The following GGTA1 variants were observed in gnomAD, a reference collection of about 807,000 sequenced individuals.
GGTA1 encodes the protein inactive N-acetyllactosaminide alpha-1,3-galactosyltransferase.
A neutral mutation model predicts 2.6 loss-of-function variants in GGTA1; 5 were observed. The observed-to-expected ratio is 1.92, with a 90% confidence interval of 1.00 to 4.04. The LOEUF (loss-of-function observed/expected upper bound fraction) is 4.04. Ranked by LOEUF, GGTA1 falls within the 30% of genes most tolerant of loss-of-function variation. GGTA1 has a pLI of 0.00. For missense variants in GGTA1, 50 were observed against 16.7 expected (o/e 2.99, Z -3.47); for synonymous variants, 17 against 5.0 (o/e 3.38, Z -3.19).
intron 1 of GGTA1, among the ~76,000 whole-genome samples, chr9:121,474,930 T>C (rs1399429846): frequency 6.6e-6 from 1 of 152,108 alleles, no homozygotes; most frequent in Non-Finnish European, 1.5e-5. Flanking sequence ...TTCAGGCTAT[T>C]GTGATGGGTC....
downstream of GGTA1, among the ~76,000 whole-genome samples, chr9:121,453,845 C>T (rs1474506074): frequency 1.3e-5 from 2 of 152,178 alleles, no homozygotes; most frequent in Admixed American, 6.5e-5. Context: ...TGGGTCATCC[C>T]CTGCCTCATC....
chr9:121,490,428 C>A (rs1224652146), intron 1 of GGTA1, among the ~76,000 whole-genome samples: 2 of 152,168 alleles, frequency 1.3e-5, no homozygotes, highest in African/African-American at 2.4e-5. Flanking sequence ...GCCCTGTGAC[C>A]CTCCTTAGGC....
intron 1 of GGTA1, among the ~76,000 whole-genome samples, chr9:121,491,910 T>A (rs1247618430): frequency 6.6e-6 from 1 of 152,170 alleles, no homozygotes; most frequent in East Asian, 1.9e-4. Flanking sequence ...CTCAGCCATG[T>A]GCAACTGTCT....
chr9:121,452,485 A>G (rs1251819839), downstream of GGTA1, among the ~76,000 whole-genome samples: 1 of 152,036 alleles, frequency 6.6e-6, no homozygotes, highest in Non-Finnish European at 1.5e-5. Context: ...GCTTTGGCTC[A>G]GGTGCCTCTG....
chr9:121,466,394 A>T (rs2065005339), intron 2 of GGTA1, among the ~76,000 whole-genome samples: 1 of 152,112 alleles, frequency 6.6e-6, no homozygotes, highest in Non-Finnish European at 1.5e-5. Context: ...TCTTTGAACT[A>T]AATCCCCTCA....
chr9:121,497,506 G>A (rs1829019090), intron 1 of GGTA1, among the ~76,000 whole-genome samples: 1 of 151,990 alleles, frequency 6.6e-6, no homozygotes, highest in Non-Finnish European at 1.5e-5. Context: ...ATGTTTCTTG[G>A]TCTCTCTCAG....
intron 1 of GGTA1, among the ~76,000 whole-genome samples, chr9:121,468,890 C>T (rs1828315505): frequency 6.6e-6 from 1 of 152,108 alleles, no homozygotes; most frequent in Admixed American, 6.6e-5. Flanking sequence ...GTCTGATCGC[C>T]CCACCTTTTA....
intron 7 of GGTA1, among the ~76,000 whole-genome samples, chr9:121,449,519 T>C (rs1489810246): frequency 6.6e-6 from 1 of 152,190 alleles, no homozygotes; most frequent in African/African-American, 2.4e-5. Context: ...ATTTTAACTA[T>C]TCATCTATTC....
chr9:121,451,071 G>A (rs1161437886), downstream of GGTA1, among the ~76,000 whole-genome samples: 1 of 150,908 alleles, frequency 6.6e-6, no homozygotes, highest in African/African-American at 2.4e-5. Flanking sequence ...AAGGCCCAGA[G>A]GGCAGAAAAA....
intron 5 of GGTA1, among the ~76,000 whole-genome samples, chr9:121,458,452 C>T (rs955041096): frequency 6.6e-6 from 1 of 151,322 alleles, no homozygotes; most frequent in Admixed American, 6.6e-5. Flanking sequence ...CATGGCAAGA[C>T]CCCGTTTCTA....
chr9:121,480,363 G>T (rs1828616770), intron 1 of GGTA1, among the ~76,000 whole-genome samples: 1 of 152,066 alleles, frequency 6.6e-6, no homozygotes, highest in Admixed American at 6.6e-5. Context: ...GTGGGCAGTA[G>T]ATTTTCCAAT....
At chr9:121,468,925 C>T (rs867801135) in intron 1 of GGTA1, among the ~76,000 whole-genome samples, 1 of 152,150 alleles carries the variant, frequency 6.6e-6, no homozygotes, top group African/African-American at 2.4e-5. Flanking sequence ...GGAGCCACCC[C>T]ATCCCCAACC....
chr9:121,474,010 C>CAAGGAAAGAAAGAAAAGA (rs1289534746), intron 1 of GGTA1, among the ~76,000 whole-genome samples: 1 of 144,248 alleles, frequency 6.9e-6, no homozygotes, highest in African/African-American at 2.6e-5. Context: ...AAGAAAGAAA[C>CAAGGAAAGAAAGAAAAGA]AAGGAAAGAA....
chr9:121,496,039 T>C (rs1828985758), intron 1 of GGTA1, among the ~76,000 whole-genome samples: 1 of 152,252 alleles, frequency 6.6e-6, no homozygotes. Context: ...TAAATCCCAG[T>C]TGACCCATAG....
At chr9:121,461,066 C>A (rs1212044892) in intron 4 of GGTA1, among the ~76,000 whole-genome samples, 186 bp downstream of exon 4, 1 of 152,124 alleles carries the variant, frequency 6.6e-6, no homozygotes, top group African/African-American at 2.4e-5. Context: ...GACAGTGAGA[C>A]CCTGTCTCAA....
At chr9:121,485,304 G>A (rs948949073) in intron 1 of GGTA1, among the ~76,000 whole-genome samples, 1 of 152,100 alleles carries the variant, frequency 6.6e-6, no homozygotes, top group African/African-American at 2.4e-5. Context: ...GAGCCTCCAG[G>A]AAAACCGTGA....
downstream of GGTA1, among the ~76,000 whole-genome samples, chr9:121,454,101 G>T (rs892650259): frequency 9.9e-5 from 15 of 152,110 alleles, no homozygotes; most frequent in South Asian, 2.1e-4. Flanking sequence ...ACACTTTCAG[G>T]GTGCTCTCCT....
chr9:121,483,533 C>T (rs965779957), intron 1 of GGTA1, among the ~76,000 whole-genome samples: 5 of 152,216 alleles, frequency 3.3e-5, no homozygotes, highest in African/African-American at 7.2e-5. Context: ...AAATGAGCCT[C>T]GGGCTGGAGT....
At chr9:121,477,985 C>G (rs1828551812) in intron 1 of GGTA1, among the ~76,000 whole-genome samples, 1 of 151,632 alleles carries the variant, frequency 6.6e-6, no homozygotes, top group African/African-American at 2.4e-5. Context: ...GGGCTAAACC[C>G]CTTTTCAGGA....
Sources: gnomAD v4.1 joint callset for allele counts (sites outside exome capture counted in the v4.1 genomes callset) on GRCh38, gnomAD v4.1.1 for gene constraint, MANE v1.5 for transcripts, NCBI Gene and HGNC (gene_info 2026-07-23, HGNC 2026-07-21) for gene names.